The following HPSE2 variants were observed in gnomAD, a reference collection of about 807,000 sequenced individuals.
The protein encoded by HPSE2 is inactive heparanase-2.
A neutral mutation model predicts 60.5 loss-of-function variants in HPSE2; 38 were observed. That is an observed-to-expected ratio of 0.63 (90% confidence interval 0.48 to 0.82). The LOEUF is 0.82. Ranked by LOEUF, HPSE2 falls within the 40% of genes least tolerant of loss-of-function variation. The pLI, the probability that HPSE2 is intolerant of heterozygous loss-of-function variation, is 0.00. For synonymous variants in HPSE2, 295 were observed against 293.2 expected (o/e 1.01, Z -0.06); for missense variants, 713 against 740.4 (o/e 0.96, Z 0.43).
At chr10:98,589,815 T>G (rs1258171163) in intron 9 of HPSE2, among the ~76,000 whole-genome samples, 1 of 152,240 alleles carries the variant, frequency 6.6e-6, no homozygotes, top group Non-Finnish European at 1.5e-5. Flanking sequence ...GACTCCACTT[T>G]TGTCCTCAGC....
intron 3 of HPSE2, among the ~76,000 whole-genome samples, chr10:98,968,268 C>A (rs1325231002): frequency 6.6e-6 from 1 of 152,148 alleles, no homozygotes; most frequent in African/African-American, 2.4e-5. Context: ...CTGTTTGGAT[C>A]CCCATAGATA....
chr10:98,986,264 T>C (rs1956346152), intron 3 of HPSE2, among the ~76,000 whole-genome samples: 1 of 152,000 alleles, frequency 6.6e-6, no homozygotes, highest in African/African-American at 2.4e-5. Flanking sequence ...TCAGCAAATG[T>C]AAAAGAACAG....
intron 2 of HPSE2, among the ~76,000 whole-genome samples, chr10:99,207,264 A>G (rs950018919): frequency 7.2e-5 from 11 of 152,178 alleles, no homozygotes; most frequent in African/African-American, 2.7e-4. Flanking sequence ...CTAAGGGCTA[A>G]AAGAAAAAAA....
chr10:99,296,983 C>A, the HPSE2 span, among the ~76,000 whole-genome samples: 2 of 152,162 alleles, frequency 1.3e-5, no homozygotes, highest in Non-Finnish European at 2.9e-5. Flanking sequence ...AGATGAGGAG[C>A]AGAGAGGGAG....
chr10:99,102,212 C>A (rs1844028811), intron 3 of HPSE2, among the ~76,000 whole-genome samples: 1 of 151,792 alleles, frequency 6.6e-6, no homozygotes, highest in South Asian at 2.1e-4. Flanking sequence ...TTGAAAAGAT[C>A]AACAAAATTG....
intron 3 of HPSE2, among the ~76,000 whole-genome samples, chr10:98,767,906 A>G (rs1316533242): frequency 1.3e-5 from 2 of 148,250 alleles, no homozygotes; most frequent in Non-Finnish European, 3.0e-5. Context: ...TTAAATAAGC[A>G]TATAATATAT....
chr10:99,273,121 G>A, the HPSE2 span, among the ~76,000 whole-genome samples: 1 of 152,188 alleles, frequency 6.6e-6, no homozygotes, highest in Non-Finnish European at 1.5e-5. Flanking sequence ...TTTGCAGCAA[G>A]CTGGATGAAA....
intron 3 of HPSE2, among the ~76,000 whole-genome samples, chr10:98,860,674 T>C (rs559979618): frequency 6.6e-6 from 1 of 152,142 alleles, no homozygotes; most frequent in African/African-American, 2.4e-5. Context: ...ATCTCAGATA[T>C]TATGCTATTA....
chr10:99,094,551 T>TCA (rs1843649584), intron 3 of HPSE2, among the ~76,000 whole-genome samples: 3 of 54,238 alleles, frequency 5.5e-5, no homozygotes, highest in Non-Finnish European at 1.2e-4. Context: ...TTTTTTTTTT[T>TCA]TTTTTTTTTT....
intron 3 of HPSE2, among the ~76,000 whole-genome samples, chr10:98,964,046 C>T (rs570864646): frequency 1.3e-5 from 2 of 152,064 alleles, no homozygotes; most frequent in Non-Finnish European, 2.9e-5. Context: ...CAGAAGAGCA[C>T]GTCTATTACT....
chr10:99,173,893 A>T (rs1847417633), intron 2 of HPSE2, among the ~76,000 whole-genome samples: 1 of 150,344 alleles, frequency 6.7e-6, no homozygotes. Context: ...CAGTGAGCCA[A>T]GATCACGCCA....
chr10:99,006,024 G>A (rs1046227685), intron 3 of HPSE2, among the ~76,000 whole-genome samples: 4 of 152,178 alleles, frequency 2.6e-5, no homozygotes, highest in Non-Finnish European at 4.4e-5. Context: ...CTCAGGAGGA[G>A]ACCTGGAGCC....
At chr10:99,091,085 T>C (rs1030351968) in intron 3 of HPSE2, among the ~76,000 whole-genome samples, 1 of 152,268 alleles carries the variant, frequency 6.6e-6, no homozygotes, top group Non-Finnish European at 1.5e-5. Flanking sequence ...AAGAGCCATA[T>C]CTTCTTTTGA....
intron 9 of HPSE2, among the ~76,000 whole-genome samples, chr10:98,542,459 T>C (rs1455452198): frequency 2.0e-4 from 30 of 151,186 alleles, no homozygotes; most frequent in African/African-American, 6.3e-4. Context: ...TCACCAGCAA[T>C]GGAACAAAGC....
Position 98,876,009 on chromosome 10 carries a change from T to C in HPSE2, c.611-131953A>G, listed in dbSNP as rs545042320. 4.6e-5 allele frequency among the ~76,000 whole-genome samples: 7 copies of C among 152,066 alleles called. No individual in the cohort carries two copies. The South Asian group carries it at 1.5e-3, about 32-fold the overall frequency. ...TTGACTGATTTCTTGGGTAGGTTTC[T>C]TCTGTGTCTCTTTGCTGTCATTTGT... On this transcript the variant is annotated intron_variant, in intron 3 of 11. Coordinates refer to ENST00000370552, the MANE Select transcript of HPSE2 (RefSeq NM_021828.5).
intron 9 of HPSE2, among the ~76,000 whole-genome samples, chr10:98,591,233 A>T (rs1329783166): frequency 1.3e-5 from 2 of 152,232 alleles, no homozygotes; most frequent in African/African-American, 4.8e-5. Context: ...ATTACCTGGT[A>T]GTTACTGAGA....
chr10:99,207,522 T>C (rs1038052323), intron 2 of HPSE2, among the ~76,000 whole-genome samples: 1 of 152,206 alleles, frequency 6.6e-6, no homozygotes, highest in Non-Finnish European at 1.5e-5. Flanking sequence ...GAATAATTTA[T>C]ATCTTTAGTA....
intron 3 of HPSE2, among the ~76,000 whole-genome samples, chr10:99,041,266 G>A (rs979192605): frequency 6.6e-6 from 1 of 152,016 alleles, no homozygotes; most frequent in African/African-American, 2.4e-5. Context: ...GGATCATCCA[G>A]GAGGCCACAT....
chr10:99,293,646 C>A, the HPSE2 span, among the ~76,000 whole-genome samples: 1 of 152,102 alleles, frequency 6.6e-6, no homozygotes, highest in African/African-American at 2.4e-5. Flanking sequence ...AAAACAGACA[C>A]TGGCGAAGCT....
Sources: gnomAD v4.1 joint callset for allele counts (sites outside exome capture counted in the v4.1 genomes callset) on GRCh38, gnomAD v4.1.1 for gene constraint, MANE v1.5 for transcripts, NCBI Gene and HGNC (gene_info 2026-07-23, HGNC 2026-07-21) for gene names.